CTNNA2: variants seen among roughly 807,000 people sequenced by gnomAD.
CTNNA2 encodes catenin alpha-2.
In CTNNA2, 42 loss-of-function variants were observed where a neutral mutation model predicts 101.0. The ratio of observed to expected loss-of-function variants is 0.42; its 90% CI spans 0.32 to 0.54. The LOEUF is 0.54. Among genes scored for constraint, CTNNA2 ranks in the 20% least tolerant of loss-of-function variants. The pLI is 0.14. For synonymous variants in CTNNA2, 450 were observed against 456.4 expected, an observed-to-expected ratio of 0.99 and a Z score of 0.18; for missense variants, 871 against 1,223.1, an observed-to-expected ratio of 0.71 and a Z score of 4.29.
At chr2:80,099,570 G>A (rs1374560407) in intron 7 of CTNNA2, among the ~76,000 whole-genome samples, 2 of 152,108 alleles carry the variant, frequency 1.3e-5, no homozygotes, top group Non-Finnish European at 2.9e-5. Context: ...TGGTATGTAG[G>A]CAAGGGGCTG....
At chr2:79,895,698 T>G (rs1289767721) in intron 6 of CTNNA2, among the ~76,000 whole-genome samples, 1 of 151,452 alleles carries the variant, frequency 6.6e-6, no homozygotes, top group East Asian at 1.9e-4. Flanking sequence ...CTTAATTTTT[T>G]TTTTTTTTTT....
chr2:80,507,429 A>C (rs1688366312), intron 9 of CTNNA2, among the ~76,000 whole-genome samples: 1 of 152,164 alleles, frequency 6.6e-6, no homozygotes, highest in Non-Finnish European at 1.5e-5. Flanking sequence ...CATAATGTAA[A>C]ACTACTCTGC....
chr2:79,250,797 T>C (rs572948806), intron 2 of CTNNA2, among the ~76,000 whole-genome samples: 2 of 152,354 alleles, frequency 1.3e-5, no homozygotes, highest in South Asian at 4.1e-4. Flanking sequence ...TCTGCCTCTC[T>C]GCATCCTCAT....
intron 9 of CTNNA2, among the ~76,000 whole-genome samples, chr2:80,521,644 AAG>A (rs1359836716): frequency 6.6e-6 from 1 of 152,146 alleles, no homozygotes; most frequent in Non-Finnish European, 1.5e-5. Flanking sequence ...TGGAGATAAA[AAG>A]GAGCTAGGAG....
intron 3 of CTNNA2, among the ~76,000 whole-genome samples, chr2:79,853,596 C>A (rs796501200): frequency 6.6e-6 from 1 of 152,098 alleles, no homozygotes; most frequent in Non-Finnish European, 1.5e-5. Flanking sequence ...TGACCTGATT[C>A]CTACCTGATG....
At chr2:79,870,713 G>A (rs544172024) in intron 5 of CTNNA2, among the ~76,000 whole-genome samples, 43 of 152,262 alleles carry the variant, frequency 2.8e-4, no homozygotes, top group Admixed American at 5.9e-4. Context: ...GGAAGTAGGC[G>A]CCTTCTTCAC....
chr2:79,622,907 A>G (rs2104299346), intron 1 of CTNNA2, among the ~76,000 whole-genome samples: 1 of 152,156 alleles, frequency 6.6e-6, no homozygotes, highest in East Asian at 1.9e-4. Flanking sequence ...ATAGAAGGAA[A>G]CTAATTTTTA....
intron 7 of CTNNA2, among the ~76,000 whole-genome samples, chr2:80,210,060 T>C (rs1707789720): frequency 6.6e-6 from 1 of 152,200 alleles, no homozygotes; most frequent in Non-Finnish European, 1.5e-5. Flanking sequence ...GATAGGATCC[T>C]AGTCATATAT....
At chr2:79,188,341 C>G (rs1417834739) in intron 1 of CTNNA2, among the ~76,000 whole-genome samples, 1 of 152,134 alleles carries the variant, frequency 6.6e-6, no homozygotes, top group Non-Finnish European at 1.5e-5. Context: ...GATTCTTGCT[C>G]TGCTTCGACC....
chr2:80,380,238 G>A (rs569424820), intron 7 of CTNNA2, among the ~76,000 whole-genome samples: 16 of 151,992 alleles, frequency 1.1e-4, no homozygotes, highest in African/African-American at 1.7e-4. Context: ...GGGTTTCACC[G>A]TGTTAGCCAG....
At chr2:80,515,165 T>C (rs189273272) in intron 9 of CTNNA2, among the ~76,000 whole-genome samples, 17,366 of 148,646 alleles carry the variant, frequency 0.12, 1,184 homozygotes, top group East Asian at 0.32. Flanking sequence ...TTTTTTTTTT[T>C]CCCCCTTGGA....
chr2:79,343,523 G>A (rs1192345660), intron 3 of CTNNA2, among the ~76,000 whole-genome samples: 2 of 152,038 alleles, frequency 1.3e-5, no homozygotes, highest in South Asian at 2.1e-4. Flanking sequence ...ATTGATTTTC[G>A]TATCCCAGAT....
chr2:80,256,010 T>C (rs1672111587), intron 7 of CTNNA2, among the ~76,000 whole-genome samples: 1 of 152,142 alleles, frequency 6.6e-6, no homozygotes, highest in Non-Finnish European at 1.5e-5. Flanking sequence ...ACTGCTTTAT[T>C]AAATGAAGCT....
At chr2:80,424,675 A>AAT (rs1163678130) in intron 9 of CTNNA2, among the ~76,000 whole-genome samples, 20 of 152,342 alleles carry the variant, frequency 1.3e-4, no homozygotes, top group African/African-American at 4.8e-4. Flanking sequence ...AGTCCTGAAG[A>AAT]ATAATCTTCC....
At chr2:79,454,033 A>T (rs1573173240) in intron 4 of CTNNA2, among the ~76,000 whole-genome samples, 1 of 152,160 alleles carries the variant, frequency 6.6e-6, no homozygotes, top group East Asian at 1.9e-4. Flanking sequence ...AAGAAGTTGC[A>T]CAGGGGTCTG....
intron 4 of CTNNA2, chr2:79,374,119 C>T (rs2104456977): frequency 6.5e-6 from 1 of 154,400 alleles, no homozygotes; most frequent in Middle Eastern, 7.9e-4. Flanking sequence ...ATTTTTCCCA[C>T]TTGCCAAGTC....
intron 1 of CTNNA2, among the ~76,000 whole-genome samples, chr2:79,601,068 A>G (rs1360688263): frequency 6.6e-6 from 1 of 152,206 alleles, no homozygotes; most frequent in East Asian, 1.9e-4. Context: ...ACATGTGCAC[A>G]TACTCCTCCA....
At chr2:80,284,025 C>T (rs1032509121) in intron 7 of CTNNA2, among the ~76,000 whole-genome samples, 1 of 152,120 alleles carries the variant, frequency 6.6e-6, no homozygotes, top group East Asian at 1.9e-4. Flanking sequence ...GTAGAATGAT[C>T]CCATTCATGG....
At chr2:79,407,375 A>G (rs1185963316) in intron 4 of CTNNA2, among the ~76,000 whole-genome samples, 1 of 151,982 alleles carries the variant, frequency 6.6e-6, no homozygotes, top group African/African-American at 2.4e-5. Context: ...CTTCAAACCA[A>G]TTTGGGGGAG....
Sources: gnomAD v4.1 joint callset for allele counts (sites outside exome capture counted in the v4.1 genomes callset) on GRCh38, gnomAD v4.1.1 for gene constraint, MANE v1.5 for transcripts, NCBI Gene and HGNC (gene_info 2026-07-23, HGNC 2026-07-21) for gene names.